N4BP2L1: variants seen among roughly 807,000 people sequenced by gnomAD.
N4BP2L1 encodes the protein NEDD4 binding protein 2 like 1, also known as NEDD4-binding protein 2-like 1.
N4BP2L1 carries 12 observed loss-of-function variants against 21.2 expected under a neutral mutation model. That is an observed-to-expected ratio of 0.57 (90% CI 0.36 to 0.92). The LOEUF (loss-of-function observed/expected upper bound fraction) is 0.92, where lower values mean the gene tolerates loss of function less well. N4BP2L1 is among the 40% of genes least tolerant of loss of function. N4BP2L1 has a pLI of 0.01. For synonymous variants in N4BP2L1, 104 were observed against 112.8 expected (o/e 0.92, Z 0.49); for missense variants, 259 against 310.6 (o/e 0.83, Z 1.25).
chr13:32,417,920 G>A (rs2074240719), intron 1 of N4BP2L1, among the ~76,000 whole-genome samples: 1 of 152,192 alleles, frequency 6.6e-6, no homozygotes, highest in Admixed American at 6.5e-5. Context: ...GTATCTGGTT[G>A]AAGAAATTTC....
intron 3 of N4BP2L1, 40 bp from the exon 4 acceptor site, chr13:32,404,437 A>T (rs2073348402): frequency 7.0e-7 from 1 of 1,428,440 alleles, no homozygotes. Context: ...AAGACATAGT[A>T]TGTATGTTTG....
intron 1 of N4BP2L1, 40 bp from the exon 2 acceptor site, chr13:32,407,812 A>G (rs1261396129): frequency 6.5e-7 from 1 of 1,535,164 alleles, no homozygotes; most frequent in East Asian, 2.3e-5. Context: ...TGTTTTAAAT[A>G]TATGTATAGT....
intron 1 of N4BP2L1, among the ~76,000 whole-genome samples, chr13:32,426,632 A>C (rs113661887): frequency 6.6e-6 from 1 of 152,160 alleles, no homozygotes; most frequent in Non-Finnish European, 1.5e-5. Context: ...CGAAATCCGC[A>C]CGTGACTGTC....
intron 1 of N4BP2L1, among the ~76,000 whole-genome samples, chr13:32,409,788 A>T (rs2073745501): frequency 6.6e-6 from 1 of 152,124 alleles, no homozygotes; most frequent in African/African-American, 2.4e-5. Flanking sequence ...GGCAGGAAAG[A>T]GAGGAGGAAG....
At chr13:32,414,121 A>G (rs1359385551) in intron 1 of N4BP2L1, among the ~76,000 whole-genome samples, 1 of 152,150 alleles carries the variant, frequency 6.6e-6, no homozygotes, top group Non-Finnish European at 1.5e-5. Flanking sequence ...ACCTCAGGTG[A>G]TCCACCCGCC....
intron 1 of N4BP2L1, among the ~76,000 whole-genome samples, chr13:32,412,364 C>T (rs992930048): frequency 1.3e-5 from 2 of 152,070 alleles, no homozygotes; most frequent in African/African-American, 4.8e-5. Flanking sequence ...CGGTGGCTCA[C>T]ATTTGTAATC....
At chr13:32,416,278 C>T (rs1371099782) in intron 1 of N4BP2L1, among the ~76,000 whole-genome samples, 1 of 152,198 alleles carries the variant, frequency 6.6e-6, no homozygotes, top group Non-Finnish European at 1.5e-5. Context: ...GAGATAAGCA[C>T]TGCTATGAAT....
At chr13:32,425,220 G>C (rs1007218763) in intron 1 of N4BP2L1, 1 of 152,134 alleles carries the variant, frequency 6.6e-6, no homozygotes, top group Admixed American at 6.5e-5. Context: ...TCCCAAAAAA[G>C]TGGGGAAGGC....
Position 32,404,351 on chromosome 13 carries a change from C to T in N4BP2L1, c.443G>A (p.Arg148His), listed in dbSNP as rs754642145. The T allele has an allele frequency of 5.0e-6, 8 of 1,613,378 alleles. No homozygotes were observed. The highest frequency in any genetic ancestry group is 6.8e-6 in the Non-Finnish European group (8 of 1,179,820). Residue 148 changes from arginine (R) to histidine (H), a missense_variant, in exon 4 of 5, where the codon CGC becomes CAC. Physicochemically the swap from Arg to His is conservative, Grantham distance 29. Transcript: ENST00000380130. ...TAACTCTTGAACGTTGAATTTCCAG[C>T]GAGTGTCAGGTTCTCGGAATATAAC... ...YEVIFREPDT[R>H]WKFNVQELAR...
chr13:32,402,885 C>T lies in N4BP2L1; in HGVS notation c.*57G>A, dbSNP rs2073226100. On this transcript the variant is annotated 3_prime_UTR_variant, in exon 5 of 5. Coordinates refer to ENST00000380130, the MANE Select transcript of N4BP2L1 (RefSeq NM_052818.3). ...CTGACTAAAATGCAACAAAAAATAA[C>T]AAAAACTGAAGTAGAAACTGACTTA... 1 of 1,508,072 alleles carries T rather than the reference C, an allele frequency of 6.6e-7. No homozygotes were observed. The highest frequency in any genetic ancestry group is 1.4e-5 in the African/African-American group (1 of 71,554). 93.4% of individuals were successfully genotyped at this position (1,508,072 alleles called of 1,614,324 possible).
chr13:32,407,150 T>C, intron 3 of N4BP2L1, 100 bp downstream of exon 3: 1 of 1,235,212 alleles, frequency 8.1e-7, no homozygotes, highest in Non-Finnish European at 1.2e-6. Context: ...TGTTAGCAAA[T>C]ATGAAATCAT....
chr13:32,417,104 C>T (rs1436698067), intron 1 of N4BP2L1, among the ~76,000 whole-genome samples: 1 of 152,140 alleles, frequency 6.6e-6, no homozygotes, highest in Non-Finnish European at 1.5e-5. Flanking sequence ...CTTGAGCCAC[C>T]AGGCCCAGCT....
intron 1 of N4BP2L1, 31 bp from the exon 2 acceptor site, chr13:32,407,803 G>A (rs2073618843): frequency 6.5e-7 from 1 of 1,545,674 alleles, no homozygotes; most frequent in Non-Finnish European, 8.7e-7. Flanking sequence ...AGAGAGAGAT[G>A]TTTTAAATAT....
At chr13:32,409,792 G>A (rs751215334) in intron 1 of N4BP2L1, among the ~76,000 whole-genome samples, 53 of 152,188 alleles carry the variant, frequency 3.5e-4, no homozygotes, top group Non-Finnish European at 1.3e-4. Context: ...GGAAAGAGAG[G>A]AGGAAGCGAG....
chr13:32,403,734 A>T (rs763206249), intron 4 of N4BP2L1: 2 of 536,294 alleles, frequency 3.7e-6, no homozygotes, highest in South Asian at 2.8e-5. Flanking sequence ...GGAGTAGTCC[A>T]CAGATCCACT....
intron 1 of N4BP2L1, chr13:32,416,805 T>G (rs1460616653): frequency 2.0e-5 from 3 of 148,114 alleles, no homozygotes; most frequent in Admixed American, 6.7e-5. Context: ...TGCGAACTCT[T>G]TTTTTTTTGT....
At chr13:32,427,313 G>A (rs1039292070) in intron 1 of N4BP2L1, among the ~76,000 whole-genome samples, 2 of 152,244 alleles carry the variant, frequency 1.3e-5, no homozygotes, top group African/African-American at 2.4e-5. Context: ...TTTCAAAGCG[G>A]GCTGCCAGCC....
chr13:32,419,151 G>A (rs889126149), intron 1 of N4BP2L1, among the ~76,000 whole-genome samples: 2 of 151,744 alleles, frequency 1.3e-5, no homozygotes, highest in African/African-American at 2.4e-5. Flanking sequence ...CCCACGTCAT[G>A]GGAATTACCT....
At position 32,401,878 on chromosome 13, in the gene N4BP2L1, T is replaced by G; in HGVS notation, c.*1064A>C. ...TCCTCTGTGGTCTTGTCTATCATGA[T>G]CTCACATTAAATCTGATTCCAACCT... On this transcript the variant is annotated 3_prime_UTR_variant, in exon 5 of 5. Coordinates refer to ENST00000380130, the MANE Select transcript of N4BP2L1 (RefSeq NM_052818.3). 2 of 971,470 alleles carry G rather than the reference T, an allele frequency of 2.1e-6. No homozygotes were observed. Among genetic ancestry groups the G allele is most frequent in the Non-Finnish European group, 2.4e-6 (2 of 816,754 alleles). 60.2% of individuals were successfully genotyped at this position (971,470 alleles called of 1,614,324 possible).
Sources: allele counts gnomAD v4.1 joint callset (sites outside exome capture counted in the v4.1 genomes callset), GRCh38; gene constraint gnomAD v4.1.1; transcripts MANE v1.5; gene names NCBI Gene and HGNC (gene_info 2026-07-23, HGNC 2026-07-21).